Variants in SESN1 observed in about 807,000 individuals in gnomAD.
The protein encoded by SESN1 is sestrin-1.
A neutral mutation model predicts 59.3 loss-of-function variants in SESN1; 30 were observed. The ratio of observed to expected loss-of-function variants is 0.51; its 90% CI spans 0.38 to 0.69. SESN1 has a LOEUF of 0.69. Among genes scored for constraint, SESN1 ranks in the 30% least tolerant of loss-of-function variants. The probability of loss-of-function intolerance (pLI) is 0.00; values close to 1 mark genes in which losing one functional copy is unlikely to be tolerated. For missense variants in SESN1, 566 were observed against 673.0 expected, an observed-to-expected ratio of 0.84 and a Z score of 1.76; for synonymous variants, 197 against 219.9, an observed-to-expected ratio of 0.90 and a Z score of 0.92.
chr6:109,077,056 C>A (rs963657654), intron 1 of SESN1, among the ~76,000 whole-genome samples: 10 of 152,096 alleles, frequency 6.6e-5, no homozygotes, highest in African/African-American at 2.4e-4. Context: ...AGTTCTAACA[C>A]AACGATAAGT....
chr6:109,052,584 G>C (rs1236999026), intron 1 of SESN1, among the ~76,000 whole-genome samples: 1 of 152,038 alleles, frequency 6.6e-6, no homozygotes, highest in Non-Finnish European at 1.5e-5. Flanking sequence ...TTGAAAATGA[G>C]AGTATTCATT....
At position 108,990,833 on chromosome 6, in the gene SESN1, G is replaced by T; in HGVS notation, c.1236C>A (p.Asp412Glu). The T allele has an allele frequency of 6.2e-7, 1 of 1,612,994 alleles. No individual in the cohort carries two copies. Residue 412 changes from aspartate (D) to glutamate (E), a missense_variant and splice_region_variant, in exon 8 of 10, where the codon GAC becomes GAA. Physicochemically the swap from Asp to Glu is conservative, Grantham distance 45. Transcript: ENST00000436639. ...AATAACCATGATCTTCCCAGCAATA[G>T]TCCTAAATACAGGGAATAGAACAAA... Reference protein sequence around the residue: ...GMHVPTFRVQDYCWEDHGYSL... With the variant: ...GMHVPTFRVQEYCWEDHGYSL...
rs747544147 is a variant in SESN1, at chr6:108,992,769, T to G, written c.1233+18A>C. 10 of 1,467,462 alleles carry G rather than the reference T, an allele frequency of 6.8e-6. No homozygotes were observed. In the African/African-American group the frequency reaches 1.4e-4, roughly 20 times the overall value. The allele number at this position is 1,467,462 out of a possible 1,614,324, so 90.9% of individuals were successfully genotyped here. On this transcript the variant is annotated intron_variant, in intron 7 of 9. Transcript: ENST00000436639. Reference sequence around the variant, plus strand: ...AGATATTTCTAGTCAATCATGTGCATACAAGTTGCAATTTTACCTGGACAC... The same window carrying G: ...AGATATTTCTAGTCAATCATGTGCAGACAAGTTGCAATTTTACCTGGACAC...
intron 1 of SESN1, among the ~76,000 whole-genome samples, chr6:109,028,979 T>C (rs111422125): frequency 3.3e-3 from 500 of 152,310 alleles, no homozygotes; most frequent in African/African-American, 9.6e-3. Context: ...AACTGTCTCA[T>C]AGAGATTTAG....
In SESN1 at chr6:109,059,084, T is replaced by C. The variant is rs762111157; in HGVS notation, c.279+34711A>G. On this transcript the variant is annotated intron_variant, in intron 1 of 9. Transcript: ENST00000436639. ...TTTTCAAAATTTATGTAACTCCATA[T>C]ATATCACTTCATACACACACACACA... is the stretch of plus-strand genomic sequence containing the variant. 7.2e-4 allele frequency among the ~76,000 whole-genome samples: 108 copies of C among 150,726 alleles called. 1 individual carries two copies. Among genetic ancestry groups the C allele is most frequent in the Non-Finnish European group, 1.0e-3 (71 of 67,964 alleles).
intron 1 of SESN1, among the ~76,000 whole-genome samples, chr6:109,086,604 C>T (rs1222830555): frequency 6.6e-6 from 1 of 152,130 alleles, no homozygotes; most frequent in African/African-American, 2.4e-5. Context: ...TTTAAGGACA[C>T]AAAGTGTTGA....
Position 109,029,590 on chromosome 6 carries a change from G to T in SESN1, c.280-27247C>A, listed in dbSNP as rs147718749. 7.9e-3 allele frequency among the ~76,000 whole-genome samples: 1,200 copies of T among 152,278 alleles called. 21 individuals are homozygous for T. Among genetic ancestry groups the T allele is most frequent in the African/African-American group, 0.028 (1,154 of 41,556 alleles). On this transcript the variant is annotated intron_variant, in intron 1 of 9. Transcript: ENST00000436639. ...CTTGCTCTGTCACCCAGGCTGGAGTGCAGTGGCACAATCATATCTCACTGC... is the reference window on the plus strand; with the variant it reads ...CTTGCTCTGTCACCCAGGCTGGAGTTCAGTGGCACAATCATATCTCACTGC...
At chr6:109,000,395 G>A in intron 4 of SESN1, 96 bp downstream of exon 4, 1 of 901,082 alleles carries the variant, frequency 1.1e-6, no homozygotes, top group Non-Finnish European at 1.6e-6. Context: ...TAGAAAATAG[G>A]AACTCTCTGT....
intron 1 of SESN1, among the ~76,000 whole-genome samples, chr6:109,023,486 G>C (rs1780042407): frequency 6.6e-6 from 1 of 152,078 alleles, no homozygotes; most frequent in South Asian, 2.1e-4. Flanking sequence ...AATGTTAGTG[G>C]ATGTGCCTAT....
At position 109,037,560 on chromosome 6, in the gene SESN1, A is replaced by G. The variant is rs201626210; in HGVS notation, c.280-35217T>C. 3.3e-5 allele frequency among the ~76,000 whole-genome samples: 5 copies of G among 152,352 alleles called. No individual in the cohort carries two copies. The East Asian group carries it at 5.8e-4, about 18-fold the overall frequency. ...ACAGAATTTCAGAGCTAAAACAATT[A>G]TAAGTTGGGTGAAGCTAGAATAGAT... On this transcript the variant is annotated intron_variant, in intron 1 of 9. Transcript: ENST00000436639.
At chr6:109,088,915 C>T (rs765437506) in intron 1 of SESN1, among the ~76,000 whole-genome samples, 4 of 152,172 alleles carry the variant, frequency 2.6e-5, no homozygotes, top group Non-Finnish European at 5.9e-5. Context: ...GGAAACAAGT[C>T]TTACTGATCT....
At chr6:109,091,493 C>A (rs1781317248) in intron 1 of SESN1, among the ~76,000 whole-genome samples, 1 of 152,210 alleles carries the variant, frequency 6.6e-6, no homozygotes, top group Non-Finnish European at 1.5e-5. Flanking sequence ...TCTGCCCCAG[C>A]CATATTGCAT....
intron 1 of SESN1, among the ~76,000 whole-genome samples, chr6:109,070,203 A>C (rs188374186): frequency 1.2e-3 from 184 of 152,272 alleles, no homozygotes; most frequent in African/African-American, 4.2e-3. Context: ...GGGCCCCTAC[A>C]CTTTAGAGGG....
chr6:109,009,088 C>T, intron 1 of SESN1: 1 of 820,978 alleles, frequency 1.2e-6, no homozygotes, highest in Non-Finnish European at 1.6e-6. Context: ...ATGACCGCGG[C>T]CGCAGTCTCT....
chr6:109,051,609 TTC>T (rs1268336683), intron 1 of SESN1, among the ~76,000 whole-genome samples: 3 of 152,352 alleles, frequency 2.0e-5, no homozygotes, highest in Admixed American at 2.0e-4. Flanking sequence ...GTCACTGGTT[TTC>T]TTTTTTTCTG....
At chr6:108,999,618 C>G (rs1459506437) in intron 4 of SESN1, among the ~76,000 whole-genome samples, 1 of 152,142 alleles carries the variant, frequency 6.6e-6, no homozygotes, top group East Asian at 1.9e-4. Context: ...ATCCAAAACA[C>G]TGACACCAAT....
At chr6:109,074,093 T>C (rs1382169736) in intron 1 of SESN1, among the ~76,000 whole-genome samples, 3 of 152,230 alleles carry the variant, frequency 2.0e-5, no homozygotes, top group African/African-American at 7.2e-5. Context: ...AATACCATTG[T>C]GTTACAATTG....
chr6:109,087,110 G>T (rs761546787), intron 1 of SESN1, among the ~76,000 whole-genome samples: 2 of 152,100 alleles, frequency 1.3e-5, no homozygotes, highest in Non-Finnish European at 2.9e-5. Flanking sequence ...CAGCCTGGGC[G>T]ACAGAGCAAG....
intron 5 of SESN1, among the ~76,000 whole-genome samples, chr6:108,996,663 T>C (rs1045538272): frequency 3.9e-5 from 6 of 152,182 alleles, no homozygotes; most frequent in Admixed American, 1.3e-4. Context: ...TTCATTTTAA[T>C]ATTAAAATGT....
Sources: gnomAD v4.1 joint callset for allele counts (sites outside exome capture counted in the v4.1 genomes callset) on GRCh38, gnomAD v4.1.1 for gene constraint, MANE v1.5 for transcripts, NCBI Gene and HGNC (gene_info 2026-07-23, HGNC 2026-07-21) for gene names.